The following RBFOX1 variants were observed in gnomAD, a reference collection of about 807,000 sequenced individuals.
RBFOX1 encodes the protein RNA binding protein fox-1 homolog 1.
RBFOX1 carries 8 observed loss-of-function variants against 57.7 expected under a neutral mutation model. The observed-to-expected ratio is 0.14, with a 90% confidence interval of 0.08 to 0.25. RBFOX1 has a LOEUF of 0.25. RBFOX1 is among the 10% of genes least tolerant of loss of function. The pLI, the probability that RBFOX1 is intolerant of heterozygous loss-of-function variation, is 1.00. For missense variants in RBFOX1, 611 were observed against 548.5 expected (o/e 1.11, Z -1.14); for synonymous variants, 326 against 222.4 (o/e 1.47, Z -4.15).
chr16:6,683,167 A>G (rs2058925954), intron 3 of RBFOX1, among the ~76,000 whole-genome samples: 1 of 152,208 alleles, frequency 6.6e-6, no homozygotes, highest in Non-Finnish European at 1.5e-5. Context: ...GGCATTACAC[A>G]GAGGACTTAC....
At chr16:7,684,695 G>A (rs1271047895) in intron 14 of RBFOX1, among the ~76,000 whole-genome samples, 1 of 151,328 alleles carries the variant, frequency 6.6e-6, no homozygotes, top group East Asian at 1.9e-4. Flanking sequence ...TTTCAATTTT[G>A]TAATTTAAAA....
At chr16:6,157,985 C>T (rs1259539830) in intron 1 of RBFOX1, among the ~76,000 whole-genome samples, 2 of 152,166 alleles carry the variant, frequency 1.3e-5, no homozygotes, top group Non-Finnish European at 2.9e-5. Flanking sequence ...ATGAGATATA[C>T]TAATTGGCTG....
chr16:7,573,609 C>A (rs898913398), intron 5 of RBFOX1, among the ~76,000 whole-genome samples: 7 of 151,916 alleles, frequency 4.6e-5, no homozygotes, highest in Admixed American at 1.3e-4. Flanking sequence ...CAAGGCAGGC[C>A]GATCACTTGA....
chr16:6,985,531 A>G (rs1299889128), intron 3 of RBFOX1, among the ~76,000 whole-genome samples: 1 of 152,166 alleles, frequency 6.6e-6, no homozygotes, highest in Non-Finnish European at 1.5e-5. Context: ...ATACTGGATT[A>G]GAAAGATTAG....
intron 5 of RBFOX1, among the ~76,000 whole-genome samples, chr16:7,523,790 C>A (rs1052149599): frequency 6.6e-6 from 1 of 152,056 alleles, no homozygotes; most frequent in Non-Finnish European, 1.5e-5. Flanking sequence ...CTCTCTTTGG[C>A]CAAAAAGGAG....
At chr16:6,671,976 C>T (rs1011841843) in intron 3 of RBFOX1, among the ~76,000 whole-genome samples, 1 of 152,148 alleles carries the variant, frequency 6.6e-6, no homozygotes, top group African/African-American at 2.4e-5. Context: ...CAATATCGAA[C>T]AGCTGATTTT....
chr16:6,478,407 ATATATATATATATATATATATAT>A (rs1358678473), intron 2 of RBFOX1, among the ~76,000 whole-genome samples: 264 of 18,456 alleles, frequency 0.014, 9 homozygotes, highest in South Asian at 0.076. Flanking sequence ...ATATATATAT[ATATATATATATATATATATATAT>A]TTTTTTTTTT....
chr16:7,704,697 TATTA>T (rs2081882015), intron 14 of RBFOX1, among the ~76,000 whole-genome samples: 1 of 152,026 alleles, frequency 6.6e-6, no homozygotes, highest in Admixed American at 6.6e-5. Flanking sequence ...GAAATAAGAT[TATTA>T]GAGTTGCTAT....
intron 2 of RBFOX1, among the ~76,000 whole-genome samples, chr16:6,355,566 G>C (rs1248794401): frequency 6.6e-6 from 1 of 152,118 alleles, no homozygotes; most frequent in Non-Finnish European, 1.5e-5. Context: ...CCAAGTCTTT[G>C]CTATTGTGAA....
At chr16:6,741,047 A>T (rs2071922700) in intron 3 of RBFOX1, among the ~76,000 whole-genome samples, 1 of 152,212 alleles carries the variant, frequency 6.6e-6, no homozygotes, top group Non-Finnish European at 1.5e-5. Flanking sequence ...AGGGAAGAGA[A>T]GACACTGAAA....
At chr16:7,314,332 C>T (rs6500946) in intron 4 of RBFOX1, among the ~76,000 whole-genome samples, 1 of 152,064 alleles carries the variant, frequency 6.6e-6, no homozygotes, top group South Asian at 2.1e-4. Context: ...GTGTTCATAA[C>T]GGAATTTCAG....
chr16:6,681,471 T>C (rs926244236), intron 3 of RBFOX1, among the ~76,000 whole-genome samples: 1 of 152,242 alleles, frequency 6.6e-6, no homozygotes, highest in Non-Finnish European at 1.5e-5. Flanking sequence ...TAACCAGATT[T>C]AGCAGAAGTA....
chr16:7,014,800 C>T (rs923866647), intron 3 of RBFOX1, among the ~76,000 whole-genome samples: 141 of 152,266 alleles, frequency 9.3e-4, no homozygotes, highest in African/African-American at 3.2e-3. Context: ...TCTCGGCTCA[C>T]TGCAACCTCC....
intron 3 of RBFOX1, among the ~76,000 whole-genome samples, chr16:6,726,876 T>C (rs1358451260): frequency 6.6e-6 from 1 of 152,108 alleles, no homozygotes; most frequent in Non-Finnish European, 1.5e-5. Context: ...TTGGGAATTA[T>C]TATTGGCTGT....
At chr16:5,356,950 T>G (rs2065405865) in intron 1 of RBFOX1, among the ~76,000 whole-genome samples, 1 of 152,220 alleles carries the variant, frequency 6.6e-6, no homozygotes, top group African/African-American at 2.4e-5. Flanking sequence ...ATCGTTTCGT[T>G]GAAGCCTCAC....
chr16:6,639,981 TACTAAC>T (rs1439626693), intron 2 of RBFOX1, among the ~76,000 whole-genome samples: 1 of 152,182 alleles, frequency 6.6e-6, no homozygotes, highest in Non-Finnish European at 1.5e-5. Flanking sequence ...CTTATCTCAG[TACTAAC>T]ACTAACACCC....
intron 2 of RBFOX1, among the ~76,000 whole-genome samples, chr16:5,479,753 C>T (rs370494319): frequency 5.9e-5 from 9 of 151,806 alleles, no homozygotes; most frequent in African/African-American, 9.7e-5. Context: ...ACTCCATCCC[C>T]GCCCCTCACC....
At chr16:7,384,014 G>C (rs766588886) in intron 4 of RBFOX1, among the ~76,000 whole-genome samples, 1 of 149,280 alleles carries the variant, frequency 6.7e-6, no homozygotes, top group South Asian at 2.1e-4. Flanking sequence ...AGATCGTGCC[G>C]TTGCACCCCA....
intron 3 of RBFOX1, among the ~76,000 whole-genome samples, chr16:5,842,925 T>G (rs996328825): frequency 1.1e-4 from 16 of 152,220 alleles, no homozygotes; most frequent in African/African-American, 3.4e-4. Flanking sequence ...TTCAAGTGAT[T>G]GTCCTGCCTC....
Sources: gnomAD v4.1 joint callset for allele counts (sites outside exome capture counted in the v4.1 genomes callset) on GRCh38, gnomAD v4.1.1 for gene constraint, MANE v1.5 for transcripts, NCBI Gene and HGNC (gene_info 2026-07-23, HGNC 2026-07-21) for gene names.